Variants in TNKS observed in about 807,000 individuals in gnomAD.
TNKS encodes the protein tankyrase, also known as poly [ADP-ribose] polymerase tankyrase-1.
In TNKS, 72 loss-of-function variants were observed where a neutral mutation model predicts 135.8. The ratio of observed to expected loss-of-function variants is 0.53; its 90% CI spans 0.44 to 0.64. The LOEUF is 0.64. Ranked by LOEUF, TNKS falls within the 30% of genes least tolerant of loss-of-function variation. The pLI, the probability that TNKS is intolerant of heterozygous loss-of-function variation, is 0.00. For missense variants in TNKS, 1,769 were observed against 1,674.0 expected, an observed-to-expected ratio of 1.06 and a Z score of -0.99; for synonymous variants, 849 against 649.3, an observed-to-expected ratio of 1.31 and a Z score of -4.68.
chr8:9,597,878 G>A (rs545593816), intron 2 of TNKS, among the ~76,000 whole-genome samples: 1 of 152,082 alleles, frequency 6.6e-6, no homozygotes, highest in Non-Finnish European at 1.5e-5. Flanking sequence ...TGAAATATGT[G>A]ATTCAATACT....
rs1362569160 is a variant in TNKS at position 9,706,793 on chromosome 8, T to TC, written c.1270-18_1270-17insC. On this transcript the variant is annotated splice_polypyrimidine_tract_variant and intron_variant, in intron 7 of 26. Coordinates refer to ENST00000310430, the MANE Select transcript of TNKS (RefSeq NM_003747.3). ...GCAAAATGATTACTGACCTAAAATGTTTTTTTTCTCAATTCAGCATGGAGC... is the reference window on the plus strand; with the variant it reads ...GCAAAATGATTACTGACCTAAAATGTCTTTTTTTCTCAATTCAGCATGGAGC... 1 of 1,581,592 alleles carries TC rather than the reference T, an allele frequency of 6.3e-7. No individual in the cohort carries two copies.
intron 5 of TNKS, among the ~76,000 whole-genome samples, chr8:9,698,714 G>T (rs1803648613): frequency 6.6e-6 from 1 of 152,188 alleles, no homozygotes; most frequent in Non-Finnish European, 1.5e-5. Context: ...AGGCTTATCA[G>T]TTGTCACTAT....
intron 1 of TNKS, chr8:9,557,826 A>C (rs1202169305): frequency 2.6e-5 from 4 of 152,216 alleles, no homozygotes; most frequent in Non-Finnish European, 5.9e-5. Flanking sequence ...CAGATGACAA[A>C]AGTGAAGCAT....
At chr8:9,671,743 T>A (rs954435875) in intron 3 of TNKS, among the ~76,000 whole-genome samples, 37 of 152,328 alleles carry the variant, frequency 2.4e-4, no homozygotes, top group African/African-American at 7.7e-4. Flanking sequence ...TTTAACTATA[T>A]GTAAATTATA....
At chr8:9,723,431 T>A (rs577827912) in intron 12 of TNKS, among the ~76,000 whole-genome samples, 2 of 152,172 alleles carry the variant, frequency 1.3e-5, no homozygotes, top group East Asian at 3.9e-4. Context: ...GGGTTTGAGA[T>A]CTACTTTAGA....
chr8:9,588,710 G>T (rs2129055179), intron 2 of TNKS, among the ~76,000 whole-genome samples: 1 of 152,252 alleles, frequency 6.6e-6, no homozygotes, highest in South Asian at 2.1e-4. Flanking sequence ...CTGTGACTTT[G>T]GGCAGATTAT....
chr8:9,675,734 C>G (rs1432586507), intron 3 of TNKS, among the ~76,000 whole-genome samples: 1 of 152,018 alleles, frequency 6.6e-6, no homozygotes, highest in African/African-American at 2.4e-5. Flanking sequence ...ATGTCTTTTT[C>G]CAGAACTCAG....
chr8:9,586,940 G>A lies in TNKS; in HGVS notation c.898+6557G>A, dbSNP rs74585791. On this transcript the variant is annotated intron_variant, in intron 2 of 26. Coordinates refer to ENST00000310430, the MANE Select transcript of TNKS (RefSeq NM_003747.3). ...TCGGCGTACCTGGAGAGTACTGTTG[G>A]GTCTCCCGTTAGAAAGAACCATATA... 9.1e-3 allele frequency among the ~76,000 whole-genome samples: 1,381 copies of A among 152,056 alleles called. 16 individuals carry two copies. Among genetic ancestry groups the A allele is most frequent in the African/African-American group, 0.032 (1,334 of 41,462 alleles).
chr8:9,656,419 A>G (rs563577285), intron 3 of TNKS, among the ~76,000 whole-genome samples: 1 of 151,988 alleles, frequency 6.6e-6, no homozygotes, highest in African/African-American at 2.4e-5. Context: ...GAGAAGAGCA[A>G]CTCCAAGACA....
chr8:9,688,273 T>C (rs1269681547), intron 5 of TNKS, among the ~76,000 whole-genome samples: 2 of 152,190 alleles, frequency 1.3e-5, no homozygotes, highest in East Asian at 3.8e-4. Context: ...GACTATATTG[T>C]GTAAAAAAAG....
chr8:9,635,009 CA>C (rs576288785), intron 3 of TNKS, among the ~76,000 whole-genome samples: 2 of 149,708 alleles, frequency 1.3e-5, no homozygotes, highest in African/African-American at 4.9e-5. Flanking sequence ...ACTAAAAATA[CA>C]AAAAAAAATA....
intron 3 of TNKS, among the ~76,000 whole-genome samples, chr8:9,620,764 C>T (rs78876374): frequency 0.031 from 4,657 of 152,316 alleles, 124 homozygotes; most frequent in Non-Finnish European, 0.051. Context: ...AACGTCTGCT[C>T]CTCAAAGACG....
intron 26 of TNKS, among the ~76,000 whole-genome samples, chr8:9,771,203 G>A (rs1396878007): frequency 2.7e-5 from 4 of 146,834 alleles, no homozygotes; most frequent in Non-Finnish European, 6.0e-5. Context: ...GGAAGTGAGG[G>A]AGGAAGAGAG....
At chr8:9,763,099 T>TACACA in intron 21 of TNKS, 48 bp from the exon 22 acceptor site, 1 of 762,892 alleles carries the variant, frequency 1.3e-6, no homozygotes, top group Non-Finnish European at 2.0e-6. Context: ...AAATAGAGCC[T>TACACA]GAGTAGTGTA....
At chr8:9,673,801 A>G (rs1336030077) in intron 3 of TNKS, among the ~76,000 whole-genome samples, 3 of 152,130 alleles carry the variant, frequency 2.0e-5, no homozygotes, top group Non-Finnish European at 4.4e-5. Context: ...CGTTTTCCTA[A>G]AGAATTGGAA....
intron 5 of TNKS, among the ~76,000 whole-genome samples, chr8:9,696,542 T>A (rs1194465820): frequency 6.6e-6 from 1 of 152,032 alleles, no homozygotes; most frequent in Non-Finnish European, 1.5e-5. Context: ...ATTCTAAGTA[T>A]AAAAAACCGT....
chr8:9,660,356 G>A (rs1226813620), intron 3 of TNKS, among the ~76,000 whole-genome samples: 1 of 152,086 alleles, frequency 6.6e-6, no homozygotes, highest in Non-Finnish European at 1.5e-5. Flanking sequence ...CTGGCAAACC[G>A]AATCCAGCAA....
intron 20 of TNKS, among the ~76,000 whole-genome samples, chr8:9,755,284 GGTTTCATCA>G (rs1450602675): frequency 6.6e-6 from 1 of 152,052 alleles, no homozygotes; most frequent in Non-Finnish European, 1.5e-5. Context: ...AGCTTGTCCT[GGTTTCATCA>G]GTTTCATTGT....
intron 3 of TNKS, among the ~76,000 whole-genome samples, chr8:9,621,925 A>T (rs1376545939): frequency 6.6e-6 from 1 of 152,230 alleles, no homozygotes; most frequent in Non-Finnish European, 1.5e-5. Context: ...TGCCTTTAGT[A>T]TTACAGCAAA....
Sources: gnomAD v4.1 joint callset for allele counts (sites outside exome capture counted in the v4.1 genomes callset) on GRCh38, gnomAD v4.1.1 for gene constraint, MANE v1.5 for transcripts, NCBI Gene and HGNC (gene_info 2026-07-23, HGNC 2026-07-21) for gene names.